PHEX: variants seen among roughly 807,000 people sequenced by gnomAD.
The protein encoded by PHEX is phosphate-regulating neutral endopeptidase PHEX.
Under a neutral mutation model 68.0 loss-of-function variants are expected in PHEX, and 16 were observed. That is an observed-to-expected ratio of 0.24 (90% CI 0.16 to 0.36). The LOEUF (loss-of-function observed/expected upper bound fraction) is 0.36. Among genes scored for constraint, PHEX ranks in the 10% least tolerant of loss-of-function variants. The probability of loss-of-function intolerance (pLI) is 1.00; values close to 1 mark genes in which losing one functional copy is unlikely to be tolerated. For synonymous variants in PHEX, 208 were observed against 205.1 expected, an observed-to-expected ratio of 1.01 and a Z score of -0.12; for missense variants, 480 against 575.5, an observed-to-expected ratio of 0.83 and a Z score of 1.70.
chrX:22,204,653 A>C (rs1336974950), intron 15 of PHEX, among the ~76,000 whole-genome samples: 2 of 111,908 alleles, frequency 1.8e-5, no homozygotes, highest in Admixed American at 1.9e-4. Context: ...TCATAACCAA[A>C]CCCACCTATT....
At chrX:22,218,125 GTC>G (rs1288219948) in intron 16 of PHEX, among the ~76,000 whole-genome samples, 2 of 110,549 alleles carry the variant, frequency 1.8e-5, no homozygotes, top group South Asian at 3.9e-4. Context: ...TTCCTTTGGA[GTC>G]TCTCAACTTC....
intron 1 of PHEX, among the ~76,000 whole-genome samples, chrX:22,033,597 G>C (rs1241398939): frequency 8.9e-6 from 1 of 112,326 alleles, no homozygotes; most frequent in Non-Finnish European, 1.9e-5. Flanking sequence ...CCTTTAAAGT[G>C]TGCTTTTAAT....
chrX:22,066,457 A>G (rs1345825008), intron 3 of PHEX, among the ~76,000 whole-genome samples: 1 of 111,945 alleles, frequency 8.9e-6, no homozygotes, highest in Non-Finnish European at 1.9e-5. Context: ...TGAACTTAGG[A>G]AGGTATTTTG....
intron 3 of PHEX, among the ~76,000 whole-genome samples, chrX:22,062,870 C>T (rs898656601): frequency 1.8e-5 from 2 of 111,171 alleles, no homozygotes; most frequent in Admixed American, 9.6e-5. Context: ...AAGCGATTCT[C>T]GTCCCTCAAC....
At chrX:22,182,813 C>T (rs982513738) in intron 14 of PHEX, among the ~76,000 whole-genome samples, 1 of 111,838 alleles carries the variant, frequency 8.9e-6, no homozygotes, top group Non-Finnish European at 1.9e-5. Context: ...CTTTTTCTGA[C>T]AAAACTAAGG....
At chrX:22,121,188 T>C (rs1931471142) in intron 11 of PHEX, among the ~76,000 whole-genome samples, 1 of 112,245 alleles carries the variant, frequency 8.9e-6, no homozygotes, top group South Asian at 3.7e-4. Flanking sequence ...TTGCAAGAGG[T>C]GTCAAGTCTA....
Position 22,146,826 on chromosome X carries a change from A to C in PHEX, c.1404+13202A>C, listed in dbSNP as rs536082825. Among the ~76,000 whole-genome samples the C allele has an allele frequency of 5.1e-5, 5 of 97,863 alleles. No individual in the cohort carries two copies. The South Asian group carries it at 3.1e-3, about 60-fold the overall frequency. 85.0% of individuals were successfully genotyped at this position (97,863 alleles called of 115,157 possible). A position where few individuals can be genotyped will look rare whatever the true frequency, so the allele number is the denominator to read the frequency against. On this transcript the variant is annotated intron_variant, in intron 12 of 21. Transcript: ENST00000379374. ...AGTGAGACTCTGTCTCCAAAAAATA[A>C]ATAAATAAAATAAAATTAATTAATT... is the stretch of plus-strand genomic sequence containing the variant.
At chrX:22,076,632 C>G (rs1929164558) in intron 4 of PHEX, among the ~76,000 whole-genome samples, 158 bp downstream of exon 4, 1 of 112,626 alleles carries the variant, frequency 8.9e-6, no homozygotes, top group Non-Finnish European at 1.9e-5. Context: ...TGGATTTTGA[C>G]TAGTCCCATC....
At position 22,133,663 on chromosome X, in the gene PHEX, G is replaced by C. The variant is rs777561199; in HGVS notation, c.1404+39G>C. The C allele has an allele frequency of 7.1e-5, 70 of 985,464 alleles. No homozygotes were observed. In the South Asian group the frequency reaches 1.3e-3, roughly 19 times the overall value. The allele number at this position is 985,464 out of a possible 1,213,427, so 81.2% of individuals were successfully genotyped here. A position where few individuals can be genotyped will look rare whatever the true frequency, so the allele number is the denominator to read the frequency against. On this transcript the variant is annotated intron_variant, in intron 12 of 21. Coordinates refer to ENST00000379374, the MANE Select transcript of PHEX (RefSeq NM_000444.6). ...TTGATGAAAAAAAAATAAGACTTCTGGTTTAATGGATGTTCATGCTTGACA... is the reference window on the plus strand; with the variant it reads ...TTGATGAAAAAAAAATAAGACTTCTCGTTTAATGGATGTTCATGCTTGACA...
intron 9 of PHEX, among the ~76,000 whole-genome samples, chrX:22,111,262 G>T (rs1195627919): frequency 8.9e-6 from 1 of 112,141 alleles, no homozygotes; most frequent in East Asian, 2.8e-4. Flanking sequence ...ATCTATCTCT[G>T]TTAGGTGGTG....
chrX:22,081,072 G>A (rs1189752011), intron 5 of PHEX, among the ~76,000 whole-genome samples: 2 of 111,085 alleles, frequency 1.8e-5, no homozygotes, highest in Non-Finnish European at 3.8e-5. Flanking sequence ...AAACTCAGTA[G>A]TGCAAGGAAT....
At chrX:22,040,667 G>A (rs909697271) in intron 2 of PHEX, among the ~76,000 whole-genome samples, 24 of 111,370 alleles carry the variant, frequency 2.2e-4, no homozygotes, top group African/African-American at 7.5e-4. Flanking sequence ...GGGAACAGAT[G>A]GGGCAAAGGG....
intron 11 of PHEX, among the ~76,000 whole-genome samples, chrX:22,123,988 C>T (rs745516356): frequency 1.8e-5 from 2 of 109,441 alleles, no homozygotes; most frequent in South Asian, 8.1e-4. Context: ...CATGCCACCT[C>T]GCCTGGCTAA....
At position 22,059,473 on chromosome X, in the gene PHEX, A is replaced by G. The variant is rs1398436664; in HGVS notation, c.349+12262A>G. ...ATTTAATGAATTAATCAAATAGCAC[A>G]TATATATATTTCACACAGTAAAAAA... On this transcript the variant is annotated intron_variant, in intron 3 of 21. Coordinates refer to ENST00000379374, the MANE Select transcript of PHEX (RefSeq NM_000444.6). Among the ~76,000 whole-genome samples the G allele has an allele frequency of 2.7e-5, 3 of 112,378 alleles. No individual in the cohort carries two copies. The East Asian group carries it at 8.3e-4, about 31-fold the overall frequency.
At chrX:22,037,230 C>G (rs1364394541) in intron 1 of PHEX, among the ~76,000 whole-genome samples, 1 of 111,074 alleles carries the variant, frequency 9.0e-6, no homozygotes, top group Non-Finnish European at 1.9e-5. Flanking sequence ...GAAAAGCAGG[C>G]TCCATTTAGA....
chrX:22,121,137 T>G (rs1931468214), intron 11 of PHEX, among the ~76,000 whole-genome samples: 1 of 112,423 alleles, frequency 8.9e-6, no homozygotes, highest in Admixed American at 9.5e-5. Flanking sequence ...AATAATTATT[T>G]TGACACTTGT....
At chrX:22,216,127 AAT>A (rs1451491115) in intron 16 of PHEX, among the ~76,000 whole-genome samples, 1 of 111,682 alleles carries the variant, frequency 9.0e-6, no homozygotes, top group Non-Finnish European at 1.9e-5. Context: ...TAACCATTTG[AAT>A]GGGTTTTTCT....
chrX:22,108,589 G>A (rs1759915097), intron 9 of PHEX, among the ~76,000 whole-genome samples: 1 of 111,897 alleles, frequency 8.9e-6, no homozygotes, highest in Admixed American at 9.5e-5. Context: ...CATTTGATCT[G>A]TATGGAACAT....
At chrX:22,208,817 T>C (rs1934796411) in intron 15 of PHEX, among the ~76,000 whole-genome samples, 1 of 112,102 alleles carries the variant, frequency 8.9e-6, no homozygotes, top group Admixed American at 9.5e-5. Flanking sequence ...ACATATGTGT[T>C]CTTAAACACC....
Sources: allele counts gnomAD v4.1 joint callset (sites outside exome capture counted in the v4.1 genomes callset), GRCh38; gene constraint gnomAD v4.1.1; transcripts MANE v1.5; gene names NCBI Gene and HGNC (gene_info 2026-07-23, HGNC 2026-07-21).